The following ELAVL1 variants were observed in gnomAD, a reference collection of about 807,000 sequenced individuals.
The protein encoded by ELAVL1 is ELAV-like protein 1.
A neutral mutation model predicts 28.4 loss-of-function variants in ELAVL1; 1 was observed. That is an observed-to-expected ratio of 0.04 (90% CI 0.01 to 0.17). The LOEUF (loss-of-function observed/expected upper bound fraction) is 0.17. Ranked by LOEUF, ELAVL1 falls within the 10% of genes least tolerant of loss-of-function variation. ELAVL1 has a pLI of 1.00. For missense variants in ELAVL1, 157 were observed against 447.2 expected (o/e 0.35, Z 5.85); for synonymous variants, 174 against 183.5 (o/e 0.95, Z 0.42).
chr19:7,973,398 T>C (rs1424738732), intron 4 of ELAVL1: 11 of 395,792 alleles, frequency 2.8e-5, no homozygotes, highest in Non-Finnish European at 4.5e-5. Context: ...GCCCAGCTAA[T>C]TTTTTGTATT....
At chr19:7,976,908 G>C (rs1985313717) in intron 3 of ELAVL1, among the ~76,000 whole-genome samples, 1 of 146,978 alleles carries the variant, frequency 6.8e-6, no homozygotes, top group African/African-American at 2.5e-5. Flanking sequence ...GGTTAGACTT[G>C]AACTCCTGGG....
intron 4 of ELAVL1, among the ~76,000 whole-genome samples, chr19:7,969,375 C>T (rs748430937): frequency 6.6e-5 from 10 of 152,200 alleles, no homozygotes; most frequent in Admixed American, 6.5e-5. Context: ...ACGCCTCACA[C>T]GGCACCTTAC....
rs934788126 is a variant in ELAVL1, at chr19:7,987,118, G to GT, written c.172+4525_172+4526insA. 1.6e-4 allele frequency among the ~76,000 whole-genome samples: 14 copies of GT among 89,644 alleles called. 1 individual carries two copies. The highest frequency in any genetic ancestry group is 3.3e-4 in the African/African-American group (9 of 26,896). The allele number at this position is 89,644 out of a possible 152,430, so 58.8% of individuals were successfully genotyped here. A position where few individuals can be genotyped will look rare whatever the true frequency, so the allele number is the denominator to read the frequency against. ...AGTAGAGCCTGACCGGGGGGTGCCG[G>GT]GGGGGGGGGAGGGTGCAGCAAGTGG... On this transcript the variant is annotated intron_variant, in intron 2 of 5. Transcript: ENST00000407627.
chr19:7,993,519 A>C (rs1163050856), intron 1 of ELAVL1, among the ~76,000 whole-genome samples: 1 of 152,238 alleles, frequency 6.6e-6, no homozygotes, highest in Non-Finnish European at 1.5e-5. Context: ...TGTCTTTCTC[A>C]GTTGCTGAAG....
chr19:7,995,818 C>T (rs12977189), intron 1 of ELAVL1, among the ~76,000 whole-genome samples: 8,842 of 150,246 alleles, frequency 0.059, 279 homozygotes, highest in Non-Finnish European at 0.07. Flanking sequence ...TGGATATCAT[C>T]AAAATTTGAA....
intron 4 of ELAVL1, among the ~76,000 whole-genome samples, chr19:7,969,608 G>A (rs530868499): frequency 1.3e-5 from 2 of 152,294 alleles, no homozygotes; most frequent in African/African-American, 2.4e-5. Flanking sequence ...CTCACGACAC[G>A]AATGACAGCT....
At chr19:7,977,870 A>C (rs1985346485) in intron 3 of ELAVL1, among the ~76,000 whole-genome samples, 1 of 152,238 alleles carries the variant, frequency 6.6e-6, no homozygotes, top group Non-Finnish European at 1.5e-5. Flanking sequence ...AGTTCCCATG[A>C]TGTGCCTGGC....
chr19:7,972,275 T>A (rs1395617874), intron 4 of ELAVL1, among the ~76,000 whole-genome samples: 1 of 152,228 alleles, frequency 6.6e-6, no homozygotes, highest in African/African-American at 2.4e-5. Flanking sequence ...CGTGCAGGGC[T>A]TGGCAAAGGA....
Position 7,963,495 on chromosome 19 carries a change from CTTG to C in ELAVL1, c.966_968del (p.Asn322del). ...AAGCATGAGCGAGTTATTTGTGGGACTTGTTGGTTTTGAAGGAAACCTGTAAGA... is the reference window on the plus strand; with the variant it reads ...AAGCATGAGCGAGTTATTTGTGGGACTTGGTTTTGAAGGAAACCTGTAAGA... On this transcript the variant is annotated inframe_deletion, in exon 6 of 6. Coordinates refer to ENST00000407627, the MANE Select transcript of ELAVL1 (RefSeq NM_001419.3). This position sits in a 1 kb window ranked among gnomAD's most constrained non-coding sequence, Gnocchi z 4.5. 6.2e-7 allele frequency: 1 copy of C among 1,605,928 alleles called. No homozygotes were observed. Among genetic ancestry groups the C allele is most frequent in the Non-Finnish European group, 8.5e-7 (1 of 1,173,496 alleles).
rs1985192264 is a variant in ELAVL1, at chr19:7,973,746, C to T, written c.409G>A (p.Val137Ile). ...SRFGRIINSR[V>I]LVDQTTGLSR... ...GTACCTGTAGTCTGATCCACGAGGA[C>T]CCGCGAGTTGATGATCCGCCCAAAC... is the stretch of plus-strand genomic sequence containing the variant. Residue 137 changes from valine to isoleucine, a missense_variant, in exon 4 of 6, where the codon GTC becomes ATC. Physicochemically the swap from Val to Ile is conservative, Grantham distance 29. Coordinates refer to ENST00000407627, the MANE Select transcript of ELAVL1 (RefSeq NM_001419.3). The T allele has an allele frequency of 1.2e-6, 2 of 1,613,976 alleles. No individual in the cohort carries two copies. The highest frequency in any genetic ancestry group is 1.3e-5 in the African/African-American group (1 of 74,920).
At chr19:7,984,782 G>A (rs541865743) in intron 2 of ELAVL1, among the ~76,000 whole-genome samples, 60 of 152,354 alleles carry the variant, frequency 3.9e-4, no homozygotes, top group Admixed American at 1.6e-3. Flanking sequence ...CGCTGGGTGA[G>A]GCCATCACTG....
intron 1 of ELAVL1, among the ~76,000 whole-genome samples, chr19:8,005,277 C>T (rs989098539): frequency 6.6e-6 from 1 of 151,546 alleles, no homozygotes; most frequent in Non-Finnish European, 1.5e-5. Flanking sequence ...TCCCTCGAGG[C>T]GCCAGAGGAA....
rs1985751446 is a variant in ELAVL1, at chr19:7,991,500, A to G, written c.172+144T>C. The G allele has an allele frequency of 3.7e-6, 3 of 820,830 alleles. No homozygotes were observed. The East Asian group carries it at 8.2e-5, about 22-fold the overall frequency. 50.8% of individuals were successfully genotyped at this position (820,830 alleles called of 1,614,324 possible). ...ATACAAGAGCAATGGACAGAGTTTG[A>G]AATAAAAATGAAACTTCACAGCCAT... On this transcript the variant is annotated intron_variant, in intron 2 of 5. Transcript: ENST00000407627.
At chr19:7,985,397 C>A (rs1383875964) in intron 2 of ELAVL1, among the ~76,000 whole-genome samples, 1 of 152,206 alleles carries the variant, frequency 6.6e-6, no homozygotes, top group Non-Finnish European at 1.5e-5. Context: ...GAGTTCAAGG[C>A]AACAACTTGG....
intron 1 of ELAVL1, among the ~76,000 whole-genome samples, chr19:7,995,447 G>A (rs1985851403): frequency 6.6e-6 from 1 of 152,126 alleles, no homozygotes; most frequent in Admixed American, 6.5e-5. Context: ...CTCTAGGTCT[G>A]GGAAAAGTGG....
At chr19:7,991,943 T>TTTG in intron 1 of ELAVL1, 112 bp from the exon 2 acceptor site, 3 of 1,044,104 alleles carry the variant, frequency 2.9e-6, no homozygotes, top group East Asian at 3.0e-5. Context: ...TTTTTTTTTT[T>TTTG]TTTTGTTTTG....
Position 8,003,369 on chromosome 19 carries a change from A to AG in ELAVL1, c.-17+2125_-17+2126insC, listed in dbSNP as rs60485974. 5.6e-3 allele frequency among the ~76,000 whole-genome samples: 745 copies of AG among 132,854 alleles called. 9 individuals are homozygous for AG. The highest frequency in any genetic ancestry group is 0.019 in the African/African-American group (663 of 35,058). 87.2% of individuals were successfully genotyped at this position (132,854 alleles called of 152,430 possible). On this transcript the variant is annotated intron_variant, in intron 1 of 5. Transcript: ENST00000407627. ...TGAAACTGTCTCAAAAAAAAAAAAAAAAAAAGAAAAAGAAAAAAAAAAAAA... is the reference window on the plus strand; with the variant it reads ...TGAAACTGTCTCAAAAAAAAAAAAAAGAAAAAGAAAAAGAAAAAAAAAAAAA...
chr19:7,983,268 G>C (rs1985513203), intron 2 of ELAVL1, among the ~76,000 whole-genome samples: 2 of 152,220 alleles, frequency 1.3e-5, no homozygotes, highest in African/African-American at 4.8e-5. Flanking sequence ...CGTAGGACCA[G>C]GCCCGTGTGG....
chr19:7,967,515 G>A (rs1383508684), intron 5 of ELAVL1, 50 bp downstream of exon 5: 1 of 1,586,086 alleles, frequency 6.3e-7, no homozygotes, highest in Admixed American at 1.8e-5. Flanking sequence ...GCCGTCGCCT[G>A]CCAGCGGGGC....
Sources: allele counts gnomAD v4.1 joint callset (sites outside exome capture counted in the v4.1 genomes callset), GRCh38; gene constraint gnomAD v4.1.1; non-coding constraint Gnocchi (gnomAD v3.1); transcripts MANE v1.5; gene names NCBI Gene and HGNC (gene_info 2026-07-23, HGNC 2026-07-21).